The following DCUN1D5 variants were observed in gnomAD, a reference collection of about 807,000 sequenced individuals.
DCUN1D5 encodes defective in cullin neddylation 1 domain containing 5.
DCUN1D5 carries 10 observed loss-of-function variants against 38.3 expected under a neutral mutation model. The ratio of observed to expected loss-of-function variants is 0.26; its 90% confidence interval spans 0.16 to 0.44. The LOEUF (loss-of-function observed/expected upper bound fraction) is 0.44. DCUN1D5 is among the 20% of genes least tolerant of loss of function. DCUN1D5 has a pLI of 1.00. For synonymous variants in DCUN1D5, 93 were observed against 90.9 expected, an observed-to-expected ratio of 1.02 and a Z score of -0.13; for missense variants, 148 against 275.3, an observed-to-expected ratio of 0.54 and a Z score of 3.27.
chr11:103,066,017 T>C lies in DCUN1D5; in HGVS notation c.555+252A>G, dbSNP rs931407835. Among the ~76,000 whole-genome samples, 2 of 152,116 alleles carry C rather than the reference T, an allele frequency of 1.3e-5. No homozygotes were observed. Among genetic ancestry groups the C allele is most frequent in the Non-Finnish European group, 2.9e-5 (2 of 67,956 alleles). On this transcript the variant is annotated intron_variant, in intron 6 of 7. Coordinates refer to ENST00000260247, the MANE Select transcript of DCUN1D5 (RefSeq NM_032299.4). This position sits in a 1 kb window ranked among gnomAD's most constrained non-coding sequence, Gnocchi z 4.7. ...AATTCTGCAAGACAAATGTCTGTGA[T>C]ACAATGTATTTCTTGGAGGTTTCTT...
chr11:103,091,913 A>AGGG lies in DCUN1D5; in HGVS notation c.-44_-42dup, dbSNP rs568166739. On this transcript the variant is annotated 5_prime_UTR_variant, in exon 1 of 8. Coordinates refer to ENST00000260247, the MANE Select transcript of DCUN1D5 (RefSeq NM_032299.4). This position sits in a 1 kb window ranked among gnomAD's most constrained non-coding sequence, Gnocchi z 4.3. ...GCAGGGTGGGCAGGGGAGCCGGGGA[A>AGGG]GGGGGTCCCTGTCCGCTGGAAGCCC... The AGGG allele has an allele frequency of 6.3e-7, 1 of 1,576,178 alleles. No individual in the cohort carries two copies. Among genetic ancestry groups the AGGG allele is most frequent in the Non-Finnish European group, 8.7e-7 (1 of 1,155,498 alleles).
At chr11:103,082,653 A>G (rs1862595734) in intron 4 of DCUN1D5, 95 bp downstream of exon 4, 2 of 808,514 alleles carry the variant, frequency 2.5e-6, no homozygotes, top group South Asian at 1.7e-5. Context: ...ATTTGATTTA[A>G]GGTGAAACCT....
intron 2 of DCUN1D5, among the ~76,000 whole-genome samples, chr11:103,085,452 T>TA (rs796537302): frequency 1.9e-4 from 29 of 152,122 alleles, no homozygotes; most frequent in African/African-American, 5.5e-4. Flanking sequence ...ATATAAAAAA[T>TA]AAAAAAGAAA....
rs548486775 is a variant in DCUN1D5 at position 103,061,650 on chromosome 11, A to G, written c.*709T>C. On this transcript the variant is annotated 3_prime_UTR_variant, in exon 8 of 8. Transcript: ENST00000260247. ...CAAAATTCCCTATATAATGACAGTT[A>G]AAAATATAAATATGCTATTATCAAC... is the stretch of plus-strand genomic sequence containing the variant. Among the ~76,000 whole-genome samples the G allele has an allele frequency of 2.6e-5, 4 of 152,108 alleles. No homozygotes were observed. The East Asian group carries it at 7.7e-4, about 29-fold the overall frequency.
At position 103,060,832 on chromosome 11, in the gene DCUN1D5, C is replaced by T. The variant is rs969421922; in HGVS notation, c.*1527G>A. ...AAAGGTCTACAAATCTAAATGCTTT[C>T]CTTATAATAAATTTGATATTAAAAC... is the stretch of plus-strand genomic sequence containing the variant. On this transcript the variant is annotated 3_prime_UTR_variant, in exon 8 of 8. Transcript: ENST00000260247. Among the ~76,000 whole-genome samples the T allele has an allele frequency of 1.3e-5, 2 of 152,076 alleles. No individual in the cohort carries two copies. The highest frequency in any genetic ancestry group is 2.1e-4 in the South Asian group (1 of 4,830).
chr11:103,069,708 A>T (rs71480471), intron 4 of DCUN1D5, among the ~76,000 whole-genome samples: 44 of 152,220 alleles, frequency 2.9e-4, no homozygotes, highest in Non-Finnish European at 5.1e-4. Flanking sequence ...GGAACCCAGA[A>T]CTCTCATCCC....
In DCUN1D5 at chr11:103,058,629, C is replaced by G. The variant is rs1240425868; in HGVS notation, c.*3730G>C. 1.3e-5 allele frequency among the ~76,000 whole-genome samples: 2 copies of G among 151,948 alleles called. No individual in the cohort carries two copies. Among genetic ancestry groups the G allele is most frequent in the Non-Finnish European group, 2.9e-5 (2 of 67,974 alleles). ...TCTTAAACAATAGGTTTACCTGGTT[C>G]TTACCAAATATTCCTGAAGTAATAA... On this transcript the variant is annotated 3_prime_UTR_variant, in exon 8 of 8. Coordinates refer to ENST00000260247, the MANE Select transcript of DCUN1D5 (RefSeq NM_032299.4).
rs904871891 is a variant in DCUN1D5, at chr11:103,061,327, T to A, written c.*1032A>T. Among the ~76,000 whole-genome samples, 12 of 152,186 alleles carry A rather than the reference T, an allele frequency of 7.9e-5. No individual in the cohort carries two copies. Among genetic ancestry groups the A allele is most frequent in the African/African-American group, 2.9e-4 (12 of 41,456 alleles). On this transcript the variant is annotated 3_prime_UTR_variant, in exon 8 of 8. Transcript: ENST00000260247. ...CATATCACTGGGATACTGGATGGTT[T>A]GAAAAGGAATGTACAAACAGGCCTG...
intron 4 of DCUN1D5, among the ~76,000 whole-genome samples, chr11:103,069,752 A>G (rs1169665460): frequency 1.3e-5 from 2 of 152,212 alleles, no homozygotes; most frequent in East Asian, 3.8e-4. Context: ...CCTTCCTTAG[A>G]TGTTAATGAA....
In DCUN1D5 at chr11:103,064,028, T is replaced by C. The variant is rs994318709; in HGVS notation, c.658+247A>G. ...AATTTTAGCTTCTGGATGCAAAAATTATAATTTAAATTTAGCTAAAATGTT... is the reference window on the plus strand; with the variant it reads ...AATTTTAGCTTCTGGATGCAAAAATCATAATTTAAATTTAGCTAAAATGTT... On this transcript the variant is annotated intron_variant, in intron 7 of 7. Coordinates refer to ENST00000260247, the MANE Select transcript of DCUN1D5 (RefSeq NM_032299.4). The surrounding 1 kb of genome is among the most constrained non-coding windows in gnomAD (Gnocchi z 4.5). Among the ~76,000 whole-genome samples the C allele has an allele frequency of 2.0e-5, 3 of 152,106 alleles. No homozygotes were observed. Among genetic ancestry groups the C allele is most frequent in the Non-Finnish European group, 2.9e-5 (2 of 67,978 alleles).
In DCUN1D5 at chr11:103,062,107, T is replaced by TTTA. The variant is rs1190364569; in HGVS notation, c.*249_*251dup. 2.0e-4 allele frequency: 78 copies of TTTA among 390,328 alleles called. 1 individual carries two copies. Among genetic ancestry groups the TTTA allele is most frequent in the African/African-American group, 1.5e-3 (70 of 48,122 alleles). 24.2% of individuals were successfully genotyped at this position (390,328 alleles called of 1,614,324 possible). A position where few individuals can be genotyped will look rare whatever the true frequency, so the allele number is the denominator to read the frequency against. On this transcript the variant is annotated 3_prime_UTR_variant, in exon 8 of 8. Coordinates refer to ENST00000260247, the MANE Select transcript of DCUN1D5 (RefSeq NM_032299.4). The surrounding 1 kb of genome is among the most constrained non-coding windows in gnomAD (Gnocchi z 4.6). ...AAGGCCTTTGTCACAAATCTGAATC[T>TTTA]TTATTGTTCTGAAATAAATGTTATA...
At chr11:103,067,272 T>C (rs999278774) in intron 4 of DCUN1D5, among the ~76,000 whole-genome samples, 5 of 152,334 alleles carry the variant, frequency 3.3e-5, no homozygotes, top group African/African-American at 1.2e-4. Context: ...TAAATTCCAC[T>C]GTTTAGCAAG....
At chr11:103,075,965 G>A (rs537502432) in intron 4 of DCUN1D5, among the ~76,000 whole-genome samples, 2 of 152,244 alleles carry the variant, frequency 1.3e-5, no homozygotes, top group South Asian at 4.1e-4. Context: ...CTTCTACCAT[G>A]GGGATATGCA....
In DCUN1D5 at chr11:103,064,213, A is replaced by C; in HGVS notation, c.658+62T>G. 1 of 1,240,960 alleles carries C rather than the reference A, an allele frequency of 8.1e-7. No homozygotes were observed. The highest frequency in any genetic ancestry group is 1.2e-5 in the South Asian group (1 of 80,374). The allele number at this position is 1,240,960 out of a possible 1,614,324, so 76.9% of individuals were successfully genotyped here. A position where few individuals can be genotyped will look rare whatever the true frequency, so the allele number is the denominator to read the frequency against. On this transcript the variant is annotated intron_variant, in intron 7 of 7. Transcript: ENST00000260247. This position sits in a 1 kb window ranked among gnomAD's most constrained non-coding sequence, Gnocchi z 4.5. The stretch of plus-strand genomic sequence containing the variant: ...CTCTATGCTAATACTACACAAATGC[A>C]TACTCTCATTTAATATTTTTGGAAA...
At chr11:103,069,259 C>T (rs139932616) in intron 4 of DCUN1D5, among the ~76,000 whole-genome samples, 13 of 152,248 alleles carry the variant, frequency 8.5e-5, no homozygotes, top group Non-Finnish European at 1.8e-4. Flanking sequence ...AAGCTAGTAA[C>T]CAGCAACACC....
rs1861868269 is a variant in DCUN1D5 at position 103,056,183 on chromosome 11, A to C, written c.*6176T>G. Among the ~76,000 whole-genome samples the C allele has an allele frequency of 6.6e-6, 1 of 152,096 alleles. No homozygotes were observed. The highest frequency in any genetic ancestry group is 2.4e-5 in the African/African-American group (1 of 41,400). The stretch of plus-strand genomic sequence containing the variant: ...CCATCCTTGCTTTGATCTGAATCCT[A>C]ATTGCTTGCTAGCTCACTCAGTAAA... On this transcript the variant is annotated 3_prime_UTR_variant, in exon 8 of 8. Transcript: ENST00000260247. This position sits in a 1 kb window ranked among gnomAD's most constrained non-coding sequence, Gnocchi z 4.9.
rs1861965115 is a variant in DCUN1D5 at position 103,059,747 on chromosome 11, A to AG, written c.*2611dup. On this transcript the variant is annotated 3_prime_UTR_variant, in exon 8 of 8. Coordinates refer to ENST00000260247, the MANE Select transcript of DCUN1D5 (RefSeq NM_032299.4). ...TTATTAAGAATTATTGGCCCCGAGG[A>AG]GTGGGGGGGTGGGGGGGTTGCAATC... Among the ~76,000 whole-genome samples the AG allele has an allele frequency of 5.1e-4, 2 of 3,900 alleles. No individual in the cohort carries two copies. Among genetic ancestry groups the AG allele is most frequent in the Non-Finnish European group, 9.4e-4 (2 of 2,132 alleles). 2.6% of individuals were successfully genotyped at this position (3,900 alleles called of 152,430 possible).
intron 4 of DCUN1D5, among the ~76,000 whole-genome samples, chr11:103,074,487 C>G (rs1862359173): frequency 6.6e-6 from 1 of 152,180 alleles, no homozygotes; most frequent in Non-Finnish European, 1.5e-5. Flanking sequence ...CAGGTCACAA[C>G]CTCCACCTCC....
At position 103,057,630 on chromosome 11, in the gene DCUN1D5, GA is replaced by G. The variant is rs1438524954; in HGVS notation, c.*4728del. Among the ~76,000 whole-genome samples, 1 of 151,874 alleles carries G rather than the reference GA, an allele frequency of 6.6e-6. No homozygotes were observed. The highest frequency in any genetic ancestry group is 1.5e-5 in the Non-Finnish European group (1 of 68,004). On this transcript the variant is annotated 3_prime_UTR_variant, in exon 8 of 8. Coordinates refer to ENST00000260247, the MANE Select transcript of DCUN1D5 (RefSeq NM_032299.4). The surrounding 1 kb of genome is among the most constrained non-coding windows in gnomAD (Gnocchi z 4.8). ...AGCTACTTGGGAGGTTGACGCACGA[GA>G]ATCTCTTGAACCCAGGAGGTCGAGG...
Sources: allele counts gnomAD v4.1 joint callset (sites outside exome capture counted in the v4.1 genomes callset), GRCh38; gene constraint gnomAD v4.1.1; non-coding constraint Gnocchi (gnomAD v3.1); transcripts MANE v1.5; gene names NCBI Gene and HGNC (gene_info 2026-07-23, HGNC 2026-07-21).